The following SKAP2 variants were observed in gnomAD, a reference collection of about 807,000 sequenced individuals.
SKAP2 encodes src kinase-associated phosphoprotein 2.
Under a neutral mutation model 54.9 loss-of-function variants are expected in SKAP2, and 28 were observed. That is an observed-to-expected ratio of 0.51 (90% CI 0.38 to 0.70). The LOEUF is 0.70. SKAP2 is among the 30% of genes least tolerant of loss of function. The pLI is 0.00. For missense variants in SKAP2, 356 were observed against 424.1 expected (o/e 0.84, Z 1.41); for synonymous variants, 137 against 134.3 (o/e 1.02, Z -0.14).
chr7:26,840,156 G>T (rs1174356548), intron 4 of SKAP2, among the ~76,000 whole-genome samples: 1 of 151,956 alleles, frequency 6.6e-6, no homozygotes, highest in Non-Finnish European at 1.5e-5. Context: ...TTTTTAGTTA[G>T]AAAGACACCA....
intron 4 of SKAP2, among the ~76,000 whole-genome samples, chr7:26,754,135 G>T (rs183354481): frequency 6.6e-6 from 1 of 152,074 alleles, no homozygotes; most frequent in African/African-American, 2.4e-5. Context: ...AGGCTGAGGC[G>T]AGTGGATCAC....
rs145907036 is a variant in SKAP2, at chr7:26,681,057, T to C, written c.987+3679A>G. ...TTCTTGCAAAACAGAAAATAATATA[T>C]TGAATTTTTAAATAAAACTATATTT... On this transcript the variant is annotated intron_variant, in intron 11 of 12. Transcript: ENST00000345317. 9.2e-5 allele frequency among the ~76,000 whole-genome samples: 14 copies of C among 152,304 alleles called. No individual in the cohort carries two copies. The East Asian group carries it at 1.9e-3, about 21-fold the overall frequency.
At chr7:26,845,341 A>T (rs536871042) in intron 3 of SKAP2, among the ~76,000 whole-genome samples, 1 of 152,274 alleles carries the variant, frequency 6.6e-6, no homozygotes, top group South Asian at 2.1e-4. Flanking sequence ...CTGTCCAAAT[A>T]ATTTTTTAAA....
At position 26,844,634 on chromosome 7, in the gene SKAP2, T is replaced by C. The variant is rs1253943401; in HGVS notation, c.200-497A>G. Among the ~76,000 whole-genome samples the C allele has an allele frequency of 3.3e-5, 5 of 152,190 alleles. No individual in the cohort carries two copies. In the South Asian group the frequency reaches 1.0e-3, roughly 32 times the overall value. ...ATGAATATTTTGTATAAAATCATTT[T>C]ATACATTTTTATACATTTTATACAT... On this transcript the variant is annotated intron_variant, in intron 3 of 12. Coordinates refer to ENST00000345317, the MANE Select transcript of SKAP2 (RefSeq NM_003930.5).
chr7:26,724,866 A>G (rs913118587), intron 9 of SKAP2, among the ~76,000 whole-genome samples: 1 of 152,142 alleles, frequency 6.6e-6, no homozygotes, highest in Non-Finnish European at 1.5e-5. Context: ...GAGCATTTGG[A>G]ATAAGAAAAC....
At chr7:26,711,678 G>A (rs1227083828) in intron 9 of SKAP2, among the ~76,000 whole-genome samples, 5 of 152,210 alleles carry the variant, frequency 3.3e-5, no homozygotes, top group Admixed American at 3.3e-4. Context: ...GTGGGACCAT[G>A]GCTCAGGGCC....
intron 9 of SKAP2, among the ~76,000 whole-genome samples, chr7:26,691,784 C>T (rs973604820): frequency 1.2e-4 from 19 of 152,042 alleles, no homozygotes; most frequent in African/African-American, 1.7e-4. Flanking sequence ...AGGATATTTC[C>T]GGAGGGATAG....
intron 9 of SKAP2, among the ~76,000 whole-genome samples, chr7:26,714,622 C>T (rs1054247420): frequency 6.6e-6 from 1 of 152,130 alleles, no homozygotes; most frequent in African/African-American, 2.4e-5. Flanking sequence ...TTAATCACTG[C>T]TTTAAAGTAA....
At chr7:26,775,216 T>G (rs1783278723) in intron 4 of SKAP2, among the ~76,000 whole-genome samples, 1 of 152,134 alleles carries the variant, frequency 6.6e-6, no homozygotes, top group Non-Finnish European at 1.5e-5. Flanking sequence ...GGCATCTCAA[T>G]CTCTCCTTCT....
intron 4 of SKAP2, among the ~76,000 whole-genome samples, chr7:26,774,148 A>G (rs1020238089): frequency 3.9e-5 from 6 of 152,030 alleles, no homozygotes; most frequent in African/African-American, 1.4e-4. Context: ...CCCTGTCTCT[A>G]CTAAAATTAC....
intron 9 of SKAP2, among the ~76,000 whole-genome samples, chr7:26,699,721 G>C (rs911683012): frequency 6.6e-6 from 1 of 152,050 alleles, no homozygotes; most frequent in Non-Finnish European, 1.5e-5. Context: ...TTTTAAGATT[G>C]TAAAGGGATC....
At chr7:26,765,660 G>A (rs1332197384) in intron 4 of SKAP2, among the ~76,000 whole-genome samples, 3 of 152,296 alleles carry the variant, frequency 2.0e-5, no homozygotes, top group African/African-American at 7.2e-5. Flanking sequence ...GTGTAAGGAA[G>A]GGGTCCGGTT....
chr7:26,810,600 C>A (rs1049577891), intron 4 of SKAP2, among the ~76,000 whole-genome samples: 66 of 152,234 alleles, frequency 4.3e-4, no homozygotes, highest in African/African-American at 1.6e-3. Context: ...AACACTTGAG[C>A]TAAATAACTT....
rs1786143360 is a variant in SKAP2, at chr7:26,668,076, AT to A, written c.*1589del. On this transcript the variant is annotated 3_prime_UTR_variant, in exon 13 of 13. Transcript: ENST00000345317. ...TTTCTTTTTTTTTTTCACATTTGAG[AT>A]TGGATGATCATGATATTGAGGGGGT... 2.0e-5 allele frequency: 3 copies of A among 151,528 alleles called. No individual in the cohort carries two copies. The allele number at this position is 151,528 out of a possible 1,614,324, so 9.4% of individuals were successfully genotyped here. A position where few individuals can be genotyped will look rare whatever the true frequency, so the allele number is the denominator to read the frequency against.
intron 4 of SKAP2, among the ~76,000 whole-genome samples, chr7:26,760,292 A>G (rs775190519): frequency 6.6e-6 from 1 of 152,186 alleles, no homozygotes; most frequent in Non-Finnish European, 1.5e-5. Flanking sequence ...ATAGGCCTAG[A>G]AAGAAAAATT....
At chr7:26,741,442 G>A (rs1475799107) in intron 4 of SKAP2, among the ~76,000 whole-genome samples, 1 of 151,854 alleles carries the variant, frequency 6.6e-6, no homozygotes, top group Non-Finnish European at 1.5e-5. Flanking sequence ...GGGGAAGGGG[G>A]TCTGAGGTGG....
chr7:26,778,736 C>A (rs139864458), intron 4 of SKAP2, among the ~76,000 whole-genome samples: 6 of 151,568 alleles, frequency 4.0e-5, no homozygotes, highest in South Asian at 2.1e-4. Context: ...AAAAGAAATA[C>A]ATTTTGGGAT....
At chr7:26,772,877 T>C (rs1484687263) in intron 4 of SKAP2, among the ~76,000 whole-genome samples, 1 of 152,232 alleles carries the variant, frequency 6.6e-6, no homozygotes, top group Non-Finnish European at 1.5e-5. Flanking sequence ...GAATATTTAA[T>C]TAATAAACTT....
intron 4 of SKAP2, among the ~76,000 whole-genome samples, chr7:26,819,749 C>T (rs1784353865): frequency 6.6e-6 from 1 of 151,990 alleles, no homozygotes. Flanking sequence ...ATTGCTGCTA[C>T]TTTTTAAGGT....
Sources: allele counts gnomAD v4.1 joint callset (sites outside exome capture counted in the v4.1 genomes callset), GRCh38; gene constraint gnomAD v4.1.1; transcripts MANE v1.5; gene names NCBI Gene and HGNC (gene_info 2026-07-23, HGNC 2026-07-21).